The following PKHD1 variants were observed in gnomAD, a reference collection of about 807,000 sequenced individuals.
The protein encoded by PKHD1 is fibrocystin.
A neutral mutation model predicts 412.0 loss-of-function variants in PKHD1; 291 were observed. That is an observed-to-expected ratio of 0.71 (90% confidence interval 0.64 to 0.78). The LOEUF (loss-of-function observed/expected upper bound fraction) is 0.78. PKHD1 is among the 30% of genes least tolerant of loss of function. The pLI, the probability that PKHD1 is intolerant of heterozygous loss-of-function variation, is 0.00. For missense variants in PKHD1, 4,825 were observed against 4,950.7 expected (o/e 0.97, Z 0.76); for synonymous variants, 1,777 against 1,821.5 (o/e 0.98, Z 0.62).
Position 51,626,978 on chromosome 6 carries a change from C to T in PKHD1, c.11785+19G>A, listed in dbSNP as rs761835237. On this transcript the variant is annotated intron_variant, in intron 66 of 66. Transcript: ENST00000371117. ...AGTGGGTCTCTCCTGTGGGGATCATCTCCACCCTCCAAGCTTACCTTCTCC... is the reference window on the plus strand; with the variant it reads ...AGTGGGTCTCTCCTGTGGGGATCATTTCCACCCTCCAAGCTTACCTTCTCC... The T allele has an allele frequency of 6.2e-7, 1 of 1,612,916 alleles. No individual in the cohort carries two copies. The highest frequency in any genetic ancestry group is 1.1e-5 in the South Asian group (1 of 91,070).
At chr6:51,863,580 G>T (rs1276000831) in intron 48 of PKHD1, among the ~76,000 whole-genome samples, 1 of 152,166 alleles carries the variant, frequency 6.6e-6, no homozygotes, top group Admixed American at 6.5e-5. Flanking sequence ...GATTGAATGG[G>T]GGTAGAGAGG....
chr6:52,060,322 C>T (rs1313265048), intron 14 of PKHD1, among the ~76,000 whole-genome samples: 1 of 152,194 alleles, frequency 6.6e-6, no homozygotes, highest in Non-Finnish European at 1.5e-5. Flanking sequence ...GCTTAGCTGA[C>T]AAAACCACCT....
intron 1 of PKHD1, among the ~76,000 whole-genome samples, chr6:52,086,752 A>G (rs1235808519): frequency 6.6e-6 from 1 of 152,258 alleles, no homozygotes; most frequent in Non-Finnish European, 1.5e-5. Context: ...AGTATTTTCA[A>G]GTGGATTCAG....
Position 51,748,526 on chromosome 6 carries a change from T to C in PKHD1, c.9090A>G (p.Ala3030=), listed in dbSNP as rs2150986813. 2 of 1,613,876 alleles carry C rather than the reference T, an allele frequency of 1.2e-6. No individual in the cohort carries two copies. The change falls in exon 58 of 67, where the codon GCA becomes GCG. Residue 3030 remains alanine (A), a synonymous_variant. Coordinates refer to ENST00000371117, the MANE Select transcript of PKHD1 (RefSeq NM_138694.4). ...TTAAAAGTACTCCATGACTGGCAGC[T>C]GCATGAATGCCCCCGCCACAGCTCT... ...LHQSCGGGIH[A]AASHGVLLND...
At position 51,823,599 on chromosome 6, in the gene PKHD1, T is replaced by A. The variant is rs532594661; in HGVS notation, c.8302+7262A>T. Among the ~76,000 whole-genome samples the A allele has an allele frequency of 1.2e-4, 18 of 152,282 alleles. No individual in the cohort carries two copies. In the East Asian group the frequency reaches 3.3e-3, roughly 28 times the overall value. On this transcript the variant is annotated intron_variant, in intron 52 of 66. Transcript: ENST00000371117. ...GCCAGAAACAAATGCCATGACTGAT[T>A]CAAGCAGACATGGACAAATTAAGAT...
chr6:51,827,956 A>G (rs1445659810), intron 52 of PKHD1, among the ~76,000 whole-genome samples: 1 of 152,158 alleles, frequency 6.6e-6, no homozygotes, highest in Non-Finnish European at 1.5e-5. Flanking sequence ...ATTGCATTGC[A>G]TACCTCTTTG....
intron 54 of PKHD1, among the ~76,000 whole-genome samples, chr6:51,773,607 T>C (rs756019285): frequency 6.6e-6 from 1 of 151,614 alleles, no homozygotes; most frequent in Non-Finnish European, 1.5e-5. Context: ...GAAGTTCTAA[T>C]ATTTTATTCC....
intron 35 of PKHD1, among the ~76,000 whole-genome samples, chr6:51,962,532 T>C (rs1008217389): frequency 6.6e-6 from 1 of 152,122 alleles, no homozygotes; most frequent in African/African-American, 2.4e-5. Context: ...ATTGCTATAC[T>C]TGGTCCCAAC....
chr6:51,895,386 A>T (rs1779742680), intron 43 of PKHD1, among the ~76,000 whole-genome samples: 2 of 152,230 alleles, frequency 1.3e-5, no homozygotes, highest in African/African-American at 4.8e-5. Flanking sequence ...CAACTGAAAA[A>T]CTGGACTAGA....
chr6:51,731,155 A>C (rs557345373), intron 60 of PKHD1, among the ~76,000 whole-genome samples: 1 of 152,304 alleles, frequency 6.6e-6, no homozygotes, highest in East Asian at 1.9e-4. Context: ...GGGTTACTCC[A>C]TTATTAAAAC....
At chr6:51,886,103 C>G (rs1356198095) in intron 44 of PKHD1, 131 bp from the exon 45 acceptor site, 1 of 715,912 alleles carries the variant, frequency 1.4e-6, no homozygotes, top group South Asian at 1.6e-5. Flanking sequence ...GTGACCCTCC[C>G]CCTAACTGTT....
At chr6:52,060,517 A>AATT (rs1275513841) in intron 14 of PKHD1, among the ~76,000 whole-genome samples, 1 of 152,260 alleles carries the variant, frequency 6.6e-6, no homozygotes, top group East Asian at 1.9e-4. Context: ...GCGTCAATTC[A>AATT]AAATGTCAAC....
chr6:51,678,914 G>A (rs1471238587), intron 60 of PKHD1, among the ~76,000 whole-genome samples: 4 of 152,026 alleles, frequency 2.6e-5, no homozygotes, highest in African/African-American at 9.7e-5. Flanking sequence ...GCAGCCAACA[G>A]CATTCTTTGC....
rs886042420 is a variant in PKHD1 at position 52,076,279 on chromosome 6, G to A, written c.445C>T (p.Pro149Ser). ...ATTTTAATAGAAGATTTCTTACCTGGAACACCACTTGGTGGATAAACTTGG... is the reference window on the plus strand; with the variant it reads ...ATTTTAATAGAAGATTTCTTACCTGAAACACCACTTGGTGGATAAACTTGG... The part of the protein sequence containing the change: ...VHQVYPPSGV[P>S]GKLIHVYGWI... The change falls in exon 6 of 67, where the codon CCA becomes TCA. Residue 149 changes from proline to serine, a missense_variant. By Grantham distance (74) the Pro-to-Ser change is moderately conservative. Transcript: ENST00000371117. 1 of 1,606,330 alleles carries A rather than the reference G, an allele frequency of 6.2e-7. No homozygotes were observed. The highest frequency in any genetic ancestry group is 1.3e-5 in the African/African-American group (1 of 74,732).
intron 60 of PKHD1, among the ~76,000 whole-genome samples, chr6:51,692,261 T>TCACACA (rs3061680): frequency 0.24 from 35,599 of 147,028 alleles, 4,587 homozygotes; most frequent in Admixed American, 0.38. Flanking sequence ...ATCACATAAT[T>TCACACA]CACACACACA....
chr6:51,619,180 G>T lies in PKHD1; in HGVS notation c.12126C>A (p.Gly4042=). The T allele has an allele frequency of 1.2e-6, 2 of 1,614,218 alleles. No homozygotes were observed. Among genetic ancestry groups the T allele is most frequent in the Non-Finnish European group, 1.7e-6 (2 of 1,180,008 alleles). ...TCTTCTCTTGGGAAAGCCCCAAGCT[G>T]CCACTTTGCTTACTCAGCCGACTTT... is the stretch of plus-strand genomic sequence containing the variant. The part of the protein sequence containing the change: ...PGQSRLSKQS[G]SLGLSQEKKA... The change falls in exon 67 of 67, where the codon GGC becomes GGA. Residue 4042 remains glycine (G), a synonymous_variant. Transcript: ENST00000371117.
At chr6:51,881,014 A>T (rs939082411) in intron 46 of PKHD1, among the ~76,000 whole-genome samples, 1 of 150,070 alleles carries the variant, frequency 6.7e-6, no homozygotes, top group Non-Finnish European at 1.5e-5. Context: ...GGCAGGCACA[A>T]AAGACAGAGG....
chr6:51,760,530 A>T, intron 55 of PKHD1, among the ~76,000 whole-genome samples: 1 of 152,086 alleles, frequency 6.6e-6, no homozygotes, highest in East Asian at 1.9e-4. Flanking sequence ...ATCTTTAAGG[A>T]TAAATAGGAA....
intron 60 of PKHD1, among the ~76,000 whole-genome samples, chr6:51,705,630 T>C (rs911153566): frequency 6.6e-6 from 1 of 152,050 alleles, no homozygotes. Flanking sequence ...GTCTCTCCCA[T>C]AGGGCCCCAT....
Sources: allele counts gnomAD v4.1 joint callset (sites outside exome capture counted in the v4.1 genomes callset), GRCh38; gene constraint gnomAD v4.1.1; transcripts MANE v1.5; gene names NCBI Gene and HGNC (gene_info 2026-07-23, HGNC 2026-07-21).